The following SPATA13 variants were observed in gnomAD, a reference collection of about 807,000 sequenced individuals.
SPATA13 encodes the protein spermatogenesis-associated protein 13.
Under a neutral mutation model 104.0 loss-of-function variants are expected in SPATA13, and 50 were observed. The ratio of observed to expected loss-of-function variants is 0.48; its 90% confidence interval spans 0.38 to 0.61. The LOEUF (loss-of-function observed/expected upper bound fraction) is 0.61. Among genes scored for constraint, SPATA13 ranks in the 20% least tolerant of loss-of-function variants. The pLI is 0.00. For synonymous variants in SPATA13, 606 were observed against 667.5 expected, an observed-to-expected ratio of 0.91 and a Z score of 1.42; for missense variants, 1,524 against 1,690.6, an observed-to-expected ratio of 0.90 and a Z score of 1.73.
intron 3 of SPATA13, among the ~76,000 whole-genome samples, chr13:24,054,808 C>G (rs147543640): frequency 1.3e-3 from 202 of 152,126 alleles, no homozygotes; most frequent in African/African-American, 4.7e-3. Flanking sequence ...ATTTTTTAAA[C>G]TGGAAAAATG....
At chr13:24,163,062 A>G (rs547207427) in intron 1 of SPATA13, among the ~76,000 whole-genome samples, 112 of 152,172 alleles carry the variant, frequency 7.4e-4, no homozygotes, top group Non-Finnish European at 6.8e-4. Context: ...CTATCAGTCT[A>G]CTTTCCCTCT....
At chr13:24,141,248 A>C (rs1923903) in intron 3 of SPATA13, among the ~76,000 whole-genome samples, 84,496 of 151,072 alleles carry the variant, frequency 0.56, 24,124 homozygotes, top group East Asian at 0.83. Flanking sequence ...TAGGAGGTCA[A>C]GGTGGGAGGA....
In SPATA13 at chr13:24,286,150, T is replaced by C; in HGVS notation, c.2302-64T>C. 3 of 1,474,664 alleles carry C rather than the reference T, an allele frequency of 2.0e-6. No homozygotes were observed. In the South Asian group the frequency reaches 3.9e-5, roughly 19 times the overall value. 91.3% of individuals were successfully genotyped at this position (1,474,664 alleles called of 1,614,324 possible). On this transcript the variant is annotated intron_variant, in intron 5 of 12. Transcript: ENST00000382108. The surrounding 1 kb of genome is among the most constrained non-coding windows in gnomAD (Gnocchi z 4.9). ...TGTCACCCTGAGAGAGTGCACCTAG[T>C]GGCTCCCTCACCATCCCGCCCACTC... is the stretch of plus-strand genomic sequence containing the variant.
intron 3 of SPATA13, among the ~76,000 whole-genome samples, chr13:24,083,866 AC>A (rs1879628413): frequency 6.7e-6 from 1 of 150,312 alleles, no homozygotes; most frequent in Non-Finnish European, 1.5e-5. Flanking sequence ...GGGGGAAAAA[AC>A]CCCCGTCTGG....
chr13:24,008,317 T>C (rs566953278), intron 2 of SPATA13, among the ~76,000 whole-genome samples: 5 of 152,220 alleles, frequency 3.3e-5, no homozygotes, highest in Non-Finnish European at 5.9e-5. Flanking sequence ...TCAGTTTTCC[T>C]TCATCTCAGA....
At chr13:24,292,636 G>A in intron 9 of SPATA13, among the ~76,000 whole-genome samples, 1 of 152,102 alleles carries the variant, frequency 6.6e-6, no homozygotes, top group East Asian at 1.9e-4. Context: ...CTTCCTGCAG[G>A]GAGTGGAGAG....
intron 1 of SPATA13, among the ~76,000 whole-genome samples, chr13:24,172,236 A>C (rs1883003534): frequency 6.6e-6 from 1 of 152,188 alleles, no homozygotes; most frequent in Non-Finnish European, 1.5e-5. Flanking sequence ...TTTTTCACTC[A>C]GTGTTATTCT....
At chr13:24,084,247 C>T (rs1463344625) in intron 3 of SPATA13, among the ~76,000 whole-genome samples, 1 of 152,110 alleles carries the variant, frequency 6.6e-6, no homozygotes, top group Non-Finnish European at 1.5e-5. Flanking sequence ...GGGAAAAGGG[C>T]CCCAGGTGCA....
chr13:24,278,992 C>CCCTCCCTT (rs1292136549), intron 4 of SPATA13, among the ~76,000 whole-genome samples: 33 of 88,798 alleles, frequency 3.7e-4, no homozygotes, highest in African/African-American at 1.4e-3. Flanking sequence ...CTCCCTCCCT[C>CCCTCCCTT]CCTTCCTTCC....
In SPATA13 at chr13:24,302,588, C is replaced by T. The variant is rs759861900; in HGVS notation, c.3659-10C>T. The T allele has an allele frequency of 5.1e-6, 8 of 1,580,150 alleles. No homozygotes were observed. In the South Asian group the frequency reaches 8.0e-5, roughly 16 times the overall value. Reference sequence around the variant, plus strand: ...AGTCCCTGTTCCATCTCTCTCCCCTCCCGAGTCAGGCTACAACAGGTGCCC... The same window carrying T: ...AGTCCCTGTTCCATCTCTCTCCCCTTCCGAGTCAGGCTACAACAGGTGCCC... On this transcript the variant is annotated splice_polypyrimidine_tract_variant and intron_variant, in intron 12 of 12. Coordinates refer to ENST00000382108, the MANE Select transcript of SPATA13 (RefSeq NM_001166271.3).
intron 1 of SPATA13, among the ~76,000 whole-genome samples, chr13:24,165,459 C>T (rs1207549271): frequency 1.3e-5 from 2 of 152,128 alleles, no homozygotes; most frequent in Non-Finnish European, 2.9e-5. Context: ...AGAAGTAGAG[C>T]ACAGGTCCGA....
chr13:24,219,544 C>T (rs1593430514), intron 1 of SPATA13, among the ~76,000 whole-genome samples: 2 of 152,330 alleles, frequency 1.3e-5, no homozygotes, highest in South Asian at 2.1e-4. Flanking sequence ...GACTTCACAT[C>T]GAAGTTAAAT....
chr13:24,157,501 C>T (rs1882296722), upstream of SPATA13, among the ~76,000 whole-genome samples: 1 of 152,090 alleles, frequency 6.6e-6, no homozygotes, highest in South Asian at 2.1e-4. Flanking sequence ...GGGGTTTCAC[C>T]GTGTTAGCCA....
chr13:24,128,598 C>T (rs887549085), intron 3 of SPATA13, among the ~76,000 whole-genome samples: 5 of 152,048 alleles, frequency 3.3e-5, no homozygotes, highest in East Asian at 1.9e-4. Flanking sequence ...ACAGCCACGC[C>T]GGGCCCCAGA....
chr13:24,134,909 A>G (rs1314647439), intron 3 of SPATA13, among the ~76,000 whole-genome samples: 7 of 152,206 alleles, frequency 4.6e-5, no homozygotes, highest in Non-Finnish European at 1.5e-5. Context: ...GTTAAGATGA[A>G]GTCATTAAGG....
intron 3 of SPATA13, among the ~76,000 whole-genome samples, chr13:24,136,344 C>T (rs545022322): frequency 4.3e-4 from 66 of 152,090 alleles, no homozygotes; most frequent in African/African-American, 1.4e-3. Context: ...GGTGTGGTGG[C>T]GCATGCCTGT....
At chr13:24,093,120 C>T (rs545654306) in intron 3 of SPATA13, among the ~76,000 whole-genome samples, 54 of 152,310 alleles carry the variant, frequency 3.5e-4, no homozygotes, top group African/African-American at 1.3e-3. Context: ...ATCCATTTTC[C>T]ACCTGACCCT....
intron 3 of SPATA13, among the ~76,000 whole-genome samples, chr13:24,150,661 T>C (rs1394346357): frequency 6.6e-6 from 1 of 152,076 alleles, no homozygotes; most frequent in Non-Finnish European, 1.5e-5. Context: ...AAGTCTTGGG[T>C]CCAGAATCCA....
At chr13:24,021,661 G>A (rs1275373771) in intron 3 of SPATA13, among the ~76,000 whole-genome samples, 1 of 152,106 alleles carries the variant, frequency 6.6e-6, no homozygotes, top group Admixed American at 6.5e-5. Context: ...CGTGCATTGG[G>A]CATTATTCAC....
Sources: allele counts gnomAD v4.1 joint callset (sites outside exome capture counted in the v4.1 genomes callset), GRCh38; gene constraint gnomAD v4.1.1; non-coding constraint Gnocchi (gnomAD v3.1); transcripts MANE v1.5; gene names NCBI Gene and HGNC (gene_info 2026-07-23, HGNC 2026-07-21).